RGS7: variants seen among roughly 807,000 people sequenced by gnomAD.
RGS7 encodes regulator of G-protein signaling 7.
RGS7 carries 27 observed loss-of-function variants against 81.1 expected under a neutral mutation model. The ratio of observed to expected loss-of-function variants is 0.33; its 90% CI spans 0.25 to 0.46. RGS7 has a LOEUF of 0.46. RGS7 is among the 20% of genes least tolerant of loss of function. RGS7 has a pLI of 1.00. For missense variants in RGS7, 396 were observed against 607.4 expected (o/e 0.65, Z 3.66); for synonymous variants, 208 against 207.7 (o/e 1.00, Z -0.01).
rs1436546489 is a variant in RGS7 at position 240,973,913 on chromosome 1, C to T, written c.226+9166G>A. Among the ~76,000 whole-genome samples, 3 of 152,150 alleles carry T rather than the reference C, an allele frequency of 2.0e-5. No homozygotes were observed. In the East Asian group the frequency reaches 5.8e-4, roughly 29 times the overall value. ...TCTTTACTTTCTCAGTTCTGATGCA[C>T]CCTCATGTTCCTAGGGCTGTAATTT... On this transcript the variant is annotated intron_variant, in intron 4 of 18. Transcript: ENST00000440928.
At chr1:241,071,589 G>A (rs2062446741) in intron 3 of RGS7, among the ~76,000 whole-genome samples, 1 of 150,760 alleles carries the variant, frequency 6.6e-6, no homozygotes, top group Non-Finnish European at 1.5e-5. Flanking sequence ...AAATGAAGAT[G>A]AAGTCAGCTC....
chr1:241,010,987 C>T (rs776474767), intron 3 of RGS7, among the ~76,000 whole-genome samples: 7 of 152,124 alleles, frequency 4.6e-5, no homozygotes, highest in Non-Finnish European at 7.4e-5. Context: ...AATCAACACA[C>T]AGATTTTTTT....
chr1:241,103,380 C>T (rs560439906), intron 2 of RGS7, among the ~76,000 whole-genome samples: 1 of 152,176 alleles, frequency 6.6e-6, no homozygotes, highest in East Asian at 1.9e-4. Flanking sequence ...GCTGGCATGC[C>T]TTGGGTCACC....
rs58610723 is a variant in RGS7, at chr1:241,144,926, G to GGTGTGTGTGTGT, written c.79-46176_79-46165dup. ...TCAGTATGTGTTGGCAGGGCAGGAT[G>GGTGTGTGTGTGT]GTGTGTGTGTGTGTGTGTGTGTGTG... On this transcript the variant is annotated intron_variant, in intron 2 of 18. Coordinates refer to ENST00000440928, the MANE Select transcript of RGS7 (RefSeq NM_001364886.1). This position sits in a 1 kb window ranked among gnomAD's most constrained non-coding sequence, Gnocchi z 4.7. Among the ~76,000 whole-genome samples the GGTGTGTGTGTGT allele has an allele frequency of 3.7e-4, 53 of 141,968 alleles. No individual in the cohort carries two copies. Among genetic ancestry groups the GGTGTGTGTGTGT allele is most frequent in the African/African-American group, 1.4e-3 (51 of 37,416 alleles). 93.1% of individuals were successfully genotyped at this position (141,968 alleles called of 152,430 possible).
At chr1:241,241,141 C>A (rs6699153) in intron 2 of RGS7, among the ~76,000 whole-genome samples, 1 of 151,710 alleles carries the variant, frequency 6.6e-6, no homozygotes, top group Admixed American at 6.6e-5. Context: ...GAGGAAACCA[C>A]CACTAGAGGG....
intron 3 of RGS7, among the ~76,000 whole-genome samples, chr1:241,088,620 T>A (rs1307159351): frequency 1.3e-5 from 2 of 152,118 alleles, no homozygotes; most frequent in Non-Finnish European, 2.9e-5. Flanking sequence ...CCATTTTGTA[T>A]AACAAATATA....
At chr1:240,946,887 G>A (rs937787375) in intron 4 of RGS7, among the ~76,000 whole-genome samples, 3 of 152,124 alleles carry the variant, frequency 2.0e-5, no homozygotes, top group East Asian at 1.9e-4. Flanking sequence ...TGCCGTTACC[G>A]CAAAGACATG....
intron 18 of RGS7, among the ~76,000 whole-genome samples, chr1:240,799,620 T>G (rs1041342541): frequency 1.3e-5 from 2 of 152,122 alleles, no homozygotes; most frequent in Admixed American, 1.3e-4. Context: ...AGAATTATCT[T>G]GGGCCACACA....
chr1:241,329,309 T>C (rs907770665), intron 2 of RGS7, among the ~76,000 whole-genome samples: 1 of 152,180 alleles, frequency 6.6e-6, no homozygotes, highest in Admixed American at 6.5e-5. Flanking sequence ...AAAGATACTA[T>C]CATTAGAAAA....
At chr1:240,843,422 T>C (rs1334763214) in intron 9 of RGS7, among the ~76,000 whole-genome samples, 1 of 152,004 alleles carries the variant, frequency 6.6e-6, no homozygotes, top group Non-Finnish European at 1.5e-5. Context: ...TGTATCACCA[T>C]GGCTGGCTGA....
intron 2 of RGS7, among the ~76,000 whole-genome samples, chr1:241,232,575 G>A (rs1383136761): frequency 6.6e-6 from 1 of 151,772 alleles, no homozygotes; most frequent in Non-Finnish European, 1.5e-5. Context: ...TGAAATGAGT[G>A]GTGTAAATCC....
intron 2 of RGS7, among the ~76,000 whole-genome samples, chr1:241,237,786 C>T (rs974951404): frequency 1.3e-5 from 2 of 152,132 alleles, no homozygotes; most frequent in Non-Finnish European, 1.5e-5. Context: ...CAGGATAAAG[C>T]CTCCAGACAC....
chr1:240,859,440 G>GTTTTTTTTTTTTTTTTTTTTTTTTT (rs5782167), intron 9 of RGS7, among the ~76,000 whole-genome samples: 2 of 110,828 alleles, frequency 1.8e-5, no homozygotes, highest in Admixed American at 9.9e-5. Flanking sequence ...TTTCTTTCCT[G>GTTTTTTTTTTTTTTTTTTTTTTTTT]TTTTTTTTTT....
At chr1:240,882,164 C>T (rs1268146350) in intron 6 of RGS7, among the ~76,000 whole-genome samples, 3 of 152,178 alleles carry the variant, frequency 2.0e-5, no homozygotes, top group African/African-American at 4.8e-5. Context: ...ATCCACCCGC[C>T]TTGGCCTCCC....
intron 6 of RGS7, among the ~76,000 whole-genome samples, chr1:240,870,594 C>A (rs1374109548): frequency 6.6e-6 from 1 of 152,134 alleles, no homozygotes; most frequent in Non-Finnish European, 1.5e-5. Flanking sequence ...GTGATCCTTC[C>A]ACCTCGGCCT....
intron 2 of RGS7, among the ~76,000 whole-genome samples, chr1:241,246,091 G>A (rs1573331627): frequency 6.6e-6 from 1 of 152,054 alleles, no homozygotes; most frequent in African/African-American, 2.4e-5. Flanking sequence ...GGGACAGAGC[G>A]AGACTCTGTC....
At chr1:241,077,913 CA>C (rs2062894052) in intron 3 of RGS7, among the ~76,000 whole-genome samples, 1 of 151,726 alleles carries the variant, frequency 6.6e-6, no homozygotes, top group African/African-American at 2.4e-5. Flanking sequence ...CAGAATGAAG[CA>C]AAAAACAGGA....
chr1:240,787,649 T>C (rs73115500), intron 18 of RGS7, among the ~76,000 whole-genome samples: 3,942 of 152,220 alleles, frequency 0.026, 165 homozygotes, highest in African/African-American at 0.09. Context: ...TAACCTTGGT[T>C]TAAAGACTGA....
chr1:240,850,040 C>T (rs1432114308), intron 9 of RGS7, among the ~76,000 whole-genome samples: 1 of 152,184 alleles, frequency 6.6e-6, no homozygotes, highest in African/African-American at 2.4e-5. Context: ...GTAACAGCTT[C>T]CTCATTTAGT....
Sources: gnomAD v4.1 joint callset for allele counts (sites outside exome capture counted in the v4.1 genomes callset) on GRCh38, gnomAD v4.1.1 for gene constraint, Gnocchi (gnomAD v3.1) non-coding constraint, MANE v1.5 for transcripts, NCBI Gene and HGNC (gene_info 2026-07-23, HGNC 2026-07-21) for gene names.